Variants in TSHZ2 observed in about 807,000 individuals in gnomAD.
TSHZ2 encodes the protein teashirt zinc finger homeobox 2.
TSHZ2 carries 21 observed loss-of-function variants against 74.4 expected under a neutral mutation model. The ratio of observed to expected loss-of-function variants is 0.28; its 90% CI spans 0.20 to 0.41. The LOEUF is 0.41. Among genes scored for constraint, TSHZ2 ranks in the 10% least tolerant of loss-of-function variants. TSHZ2 has a pLI of 1.00. For missense variants in TSHZ2, 1,244 were observed against 1,293.5 expected, an observed-to-expected ratio of 0.96 and a Z score of 0.59; for synonymous variants, 540 against 515.3, an observed-to-expected ratio of 1.05 and a Z score of -0.65.
intron 2 of TSHZ2, among the ~76,000 whole-genome samples, chr20:53,319,138 G>T (rs1297522671): frequency 6.6e-6 from 1 of 152,142 alleles, no homozygotes; most frequent in Non-Finnish European, 1.5e-5. Flanking sequence ...TTTGGGTGGG[G>T]ACACGGCCAA....
At chr20:53,177,386 G>A (rs549554912) in intron 1 of TSHZ2, among the ~76,000 whole-genome samples, 17 of 152,172 alleles carry the variant, frequency 1.1e-4, no homozygotes, top group South Asian at 2.1e-4. Flanking sequence ...TTTAATGTGC[G>A]TATGAATCTA....
At chr20:53,410,402 TCAAGGCACCTGTAAGTTATGC>T (rs1466338504) in intron 2 of TSHZ2, among the ~76,000 whole-genome samples, 4 of 151,902 alleles carry the variant, frequency 2.6e-5, no homozygotes, top group South Asian at 4.1e-4. Flanking sequence ...ACAGAGCAAA[TCAAGGCACCTGTAAGTTATGC>T]CAAGGCACCT....
chr20:53,473,007 C>T (rs539500137), intron 2 of TSHZ2, among the ~76,000 whole-genome samples: 7 of 151,806 alleles, frequency 4.6e-5, no homozygotes, highest in South Asian at 2.1e-4. Flanking sequence ...GAGGGTCCTA[C>T]GCCCACGGAG....
chr20:53,077,225 C>T (rs1427091470), intron 1 of TSHZ2, among the ~76,000 whole-genome samples: 1 of 149,896 alleles, frequency 6.7e-6, no homozygotes, highest in African/African-American at 2.5e-5. Flanking sequence ...CCAGCCTGGG[C>T]AACATGGTGA....
intron 1 of TSHZ2, among the ~76,000 whole-genome samples, chr20:53,212,162 C>T (rs1301465948): frequency 6.6e-6 from 1 of 152,116 alleles, no homozygotes; most frequent in Non-Finnish European, 1.5e-5. Context: ...TCTTGGAATC[C>T]CTCACATGGA....
At chr20:53,185,627 G>GA in intron 1 of TSHZ2, 12 of 1,533,878 alleles carry the variant, frequency 7.8e-6, no homozygotes, top group African/African-American at 5.5e-5. Flanking sequence ...CTCAAAAAAA[G>GA]AAAAAAAAGA....
At chr20:53,142,218 C>T (rs1987417826) in intron 1 of TSHZ2, among the ~76,000 whole-genome samples, 1 of 152,152 alleles carries the variant, frequency 6.6e-6, no homozygotes, top group African/African-American at 2.4e-5. Flanking sequence ...AGGCCAGGTG[C>T]AAGGGTTAAG....
chr20:53,299,815 C>T (rs986108962), intron 2 of TSHZ2, among the ~76,000 whole-genome samples: 2 of 152,164 alleles, frequency 1.3e-5, no homozygotes, highest in Non-Finnish European at 2.9e-5. Flanking sequence ...AACTTAATTC[C>T]CAGGTTCTCA....
At chr20:53,202,247 TTA>T (rs901440895) in intron 1 of TSHZ2, among the ~76,000 whole-genome samples, 14 of 152,176 alleles carry the variant, frequency 9.2e-5, no homozygotes, top group Non-Finnish European at 2.9e-5. Context: ...GGTTTTATAA[TTA>T]TAGTCTCACT....
intron 2 of TSHZ2, among the ~76,000 whole-genome samples, chr20:53,282,022 C>A (rs1459380349): frequency 6.6e-6 from 1 of 152,306 alleles, no homozygotes; most frequent in South Asian, 2.1e-4. Flanking sequence ...AGAAGCCAGA[C>A]GTGGGCACAA....
At chr20:53,340,072 T>G (rs186529434) in intron 2 of TSHZ2, among the ~76,000 whole-genome samples, 9 of 152,278 alleles carry the variant, frequency 5.9e-5, no homozygotes, top group African/African-American at 2.2e-4. Flanking sequence ...TTTCTTTGAT[T>G]TTTGGTGTGA....
chr20:53,489,351 G>A lies in TSHZ2; in HGVS notation c.*2216G>A. The A allele has an allele frequency of 5.4e-6, 2 of 369,754 alleles. No individual in the cohort carries two copies. Among genetic ancestry groups the A allele is most frequent in the South Asian group, 4.1e-5 (2 of 49,024 alleles). The allele number at this position is 369,754 out of a possible 1,614,324, so 22.9% of individuals were successfully genotyped here. On this transcript the variant is annotated 3_prime_UTR_variant, in exon 3 of 3. Transcript: ENST00000371497. ...GTCTTCAGATGGGTTAAGATTGAAG[G>A]GTGGACTGGACTCTACTGAGCACCG...
At chr20:53,427,318 G>A (rs974357997) in intron 2 of TSHZ2, among the ~76,000 whole-genome samples, 4 of 152,128 alleles carry the variant, frequency 2.6e-5, no homozygotes, top group African/African-American at 7.2e-5. Context: ...CCTTGATTAC[G>A]GATTGGCGGA....
At position 53,350,653 on chromosome 20, in the gene TSHZ2, C is replaced by T. The variant is rs577135498; in HGVS notation, c.*8+94082C>T. ...CAGGTCATGATTTTTGTTCTGTTCT[C>T]GTATGTTTTTGCAGCACCAAAAGAA... On this transcript the variant is annotated intron_variant, in intron 2 of 2. Transcript: ENST00000371497. 3.3e-5 allele frequency among the ~76,000 whole-genome samples: 5 copies of T among 152,262 alleles called. No homozygotes were observed. In the East Asian group the frequency reaches 5.8e-4, roughly 18 times the overall value.
chr20:53,141,005 A>C (rs1213377253), intron 1 of TSHZ2, among the ~76,000 whole-genome samples: 1 of 145,998 alleles, frequency 6.8e-6, no homozygotes, highest in Non-Finnish European at 1.6e-5. Context: ...TCCTCCTTGC[A>C]CTGTGGAAAC....
chr20:52,991,877 T>C (rs1982011218), intron 1 of TSHZ2, among the ~76,000 whole-genome samples: 1 of 152,196 alleles, frequency 6.6e-6, no homozygotes, highest in Non-Finnish European at 1.5e-5. Context: ...TCATGTGTTC[T>C]TGCCAACTAT....
At chr20:53,410,850 A>G (rs951289945) in intron 2 of TSHZ2, among the ~76,000 whole-genome samples, 8 of 151,566 alleles carry the variant, frequency 5.3e-5, no homozygotes, top group Admixed American at 2.6e-4. Context: ...TAACTTTTGT[A>G]TTTTAGTAGA....
intron 1 of TSHZ2, among the ~76,000 whole-genome samples, chr20:53,111,530 C>A (rs756019716): frequency 5.3e-5 from 8 of 152,142 alleles, no homozygotes; most frequent in Non-Finnish European, 1.0e-4. Context: ...GCTCTTAAAT[C>A]TCCTCCCAGA....
chr20:53,177,534 T>G (rs1169495152), intron 1 of TSHZ2, among the ~76,000 whole-genome samples: 1 of 152,228 alleles, frequency 6.6e-6, no homozygotes, highest in Non-Finnish European at 1.5e-5. Context: ...GACTTGCCCT[T>G]TAATTCCAGT....
Sources: allele counts gnomAD v4.1 joint callset (sites outside exome capture counted in the v4.1 genomes callset), GRCh38; gene constraint gnomAD v4.1.1; transcripts MANE v1.5; gene names NCBI Gene and HGNC (gene_info 2026-07-23, HGNC 2026-07-21).